Variants in SEMA6D observed in about 807,000 individuals in gnomAD.
SEMA6D encodes semaphorin-6D.
In SEMA6D, 35 loss-of-function variants were observed where a neutral mutation model predicts 106.6. That is an observed-to-expected ratio of 0.33 (90% CI 0.25 to 0.44). The LOEUF (loss-of-function observed/expected upper bound fraction) is 0.44. Ranked by LOEUF, SEMA6D falls within the 20% of genes least tolerant of loss-of-function variation. The pLI, the probability that SEMA6D is intolerant of heterozygous loss-of-function variation, is 1.00. For missense variants in SEMA6D, 1,185 were observed against 1,345.9 expected (o/e 0.88, Z 1.87); for synonymous variants, 499 against 487.7 (o/e 1.02, Z -0.31).
At chr15:47,651,630 A>C (rs975114971) in intron 4 of SEMA6D, among the ~76,000 whole-genome samples, 4 of 152,170 alleles carry the variant, frequency 2.6e-5, no homozygotes, top group Non-Finnish European at 4.4e-5. Flanking sequence ...CCTGTTTTCA[A>C]TCCTGGTTTA....
intron 1 of SEMA6D, among the ~76,000 whole-genome samples, chr15:47,389,018 A>G (rs1306756563): frequency 1.3e-5 from 2 of 149,988 alleles, no homozygotes; most frequent in Admixed American, 1.3e-4. Flanking sequence ...AAAGTAAGTA[A>G]TGTTTTTTTT....
intron 1 of SEMA6D, among the ~76,000 whole-genome samples, chr15:47,411,257 G>C (rs975041523): frequency 6.6e-6 from 1 of 151,842 alleles, no homozygotes; most frequent in Non-Finnish European, 1.5e-5. Flanking sequence ...CACCACGCCC[G>C]GCTAATTTTT....
intron 1 of SEMA6D, among the ~76,000 whole-genome samples, chr15:47,235,450 G>A (rs1426052757): frequency 6.6e-6 from 1 of 151,820 alleles, no homozygotes; most frequent in East Asian, 1.9e-4. Flanking sequence ...ATTCTAAAAT[G>A]TTTATGCTTT....
intron 1 of SEMA6D, among the ~76,000 whole-genome samples, chr15:47,333,621 A>G (rs1442378701): frequency 2.6e-5 from 4 of 152,196 alleles, no homozygotes; most frequent in African/African-American, 7.2e-5. Flanking sequence ...TCACTCAGTC[A>G]GTCAGCAAAG....
intron 1 of SEMA6D, among the ~76,000 whole-genome samples, chr15:47,198,122 G>A (rs554162579): frequency 6.6e-6 from 1 of 152,008 alleles, no homozygotes; most frequent in South Asian, 2.1e-4. Context: ...TCACTCACAC[G>A]TGGAATGTAA....
intron 2 of SEMA6D, among the ~76,000 whole-genome samples, chr15:47,416,847 T>C (rs910690673): frequency 6.6e-6 from 1 of 152,138 alleles, no homozygotes; most frequent in Non-Finnish European, 1.5e-5. Context: ...CCCCTATTAC[T>C]TTGCAGCTGA....
chr15:47,251,572 A>G (rs1026117584), intron 1 of SEMA6D, among the ~76,000 whole-genome samples: 15 of 152,168 alleles, frequency 9.9e-5, no homozygotes, highest in African/African-American at 3.6e-4. Flanking sequence ...TAGTAGAATT[A>G]TTGCTTATTT....
chr15:47,599,002 A>G (rs1030259020), intron 3 of SEMA6D, among the ~76,000 whole-genome samples: 35 of 152,090 alleles, frequency 2.3e-4, no homozygotes, highest in African/African-American at 8.2e-4. Context: ...GTTTCCCAAA[A>G]TGTGGTCATG....
chr15:47,313,721 TAC>T (rs2036533423), intron 1 of SEMA6D, among the ~76,000 whole-genome samples: 1 of 152,232 alleles, frequency 6.6e-6, no homozygotes, highest in South Asian at 2.1e-4. Context: ...AACACCACCA[TAC>T]TCAGCTAAAA....
chr15:47,206,828 C>T (rs574082651), intron 1 of SEMA6D, among the ~76,000 whole-genome samples: 8 of 152,116 alleles, frequency 5.3e-5, no homozygotes, highest in East Asian at 3.9e-4. Context: ...ATCCACAGGC[C>T]GAAATCCTGG....
rs561690452 is a variant in SEMA6D, at chr15:47,232,791, A to C, written c.-239+48373A>C. Among the ~76,000 whole-genome samples the C allele has an allele frequency of 7.2e-5, 11 of 151,922 alleles. No homozygotes were observed. The South Asian group carries it at 2.3e-3, about 32-fold the overall frequency. ...TTTAAATAAGGTTTTTAGTGTGATT[A>C]TTGTTGAGCTGTAAGGGCTATTTAT... On this transcript the variant is annotated intron_variant, in intron 1 of 19. Coordinates refer to the SEMA6D transcript ENST00000558014.
At chr15:47,327,143 C>G (rs1287524877) in intron 1 of SEMA6D, among the ~76,000 whole-genome samples, 1 of 152,158 alleles carries the variant, frequency 6.6e-6, no homozygotes, top group Admixed American at 6.5e-5. Context: ...GGGCCAGCAT[C>G]CTGGCTTCTC....
chr15:47,269,161 A>G (rs2034451376), intron 1 of SEMA6D, among the ~76,000 whole-genome samples: 1 of 152,116 alleles, frequency 6.6e-6, no homozygotes, highest in Non-Finnish European at 1.5e-5. Flanking sequence ...AGTTTACTCA[A>G]GAAATGTAGG....
chr15:47,765,779 C>A, intron 13 of SEMA6D, 90 bp from the exon 14 acceptor site: 1 of 1,246,410 alleles, frequency 8.0e-7, no homozygotes, highest in Non-Finnish European at 1.1e-6. Context: ...CAAGAATATT[C>A]CTTATGATTT....
At position 47,770,719 on chromosome 15, in the gene SEMA6D, G is replaced by A. The variant is rs1597104861; in HGVS notation, c.2156G>A (p.Gly719Asp). 6.2e-7 allele frequency: 1 copy of A among 1,614,060 alleles called. No individual in the cohort carries two copies. The highest frequency in any genetic ancestry group is 8.5e-7 in the Non-Finnish European group (1 of 1,179,984). Residue 719 changes from glycine to aspartate, a missense_variant, in exon 19 of 19, where the codon GGT becomes GAT. This residue lies in a region of SEMA6D where 750 missense variants were observed against 783.5 expected (regional missense o/e 0.96). Transcript: ENST00000536845. ...AGTGGAAGTTTTGCCAAACTGAATG[G>A]TCTCTTTGACAGCCCTGTCAAGGAA... ...DSSGSFAKLN[G>D]LFDSPVKEYQ...
intron 4 of SEMA6D, among the ~76,000 whole-genome samples, chr15:47,687,194 T>C (rs1204289307): frequency 6.6e-6 from 1 of 152,152 alleles, no homozygotes; most frequent in African/African-American, 2.4e-5. Context: ...TCCTGGACTT[T>C]CTTCTTGCCA....
chr15:47,318,638 G>A (rs929677114), intron 1 of SEMA6D, among the ~76,000 whole-genome samples: 1 of 137,506 alleles, frequency 7.3e-6, no homozygotes, highest in African/African-American at 2.7e-5. Flanking sequence ...TGGTGTATAT[G>A]TGCCACATTT....
In SEMA6D at chr15:47,200,663, A is replaced by G. The variant is rs114271425; in HGVS notation, c.-239+16245A>G. On this transcript the variant is annotated intron_variant, in intron 1 of 19. Transcript: ENST00000558014. ...AAAAGTTTCTATCTGGTATTAGCAT[A>G]AAAGTACACATACAATTCCACTATT... is the stretch of plus-strand genomic sequence containing the variant. 4.5e-3 allele frequency among the ~76,000 whole-genome samples: 683 copies of G among 152,320 alleles called. 3 individuals carry two copies. The highest frequency in any genetic ancestry group is 0.016 in the African/African-American group (662 of 41,574).
chr15:47,477,297 T>C (rs1250500611), intron 3 of SEMA6D, among the ~76,000 whole-genome samples: 1 of 152,166 alleles, frequency 6.6e-6, no homozygotes. Flanking sequence ...GAACACCTGG[T>C]GCTCATACAC....
Sources: gnomAD v4.1 joint callset for allele counts (sites outside exome capture counted in the v4.1 genomes callset) on GRCh38, gnomAD v4.1.1 for gene constraint, gnomAD v4.1.1 regional missense constraint, MANE v1.5 for transcripts, NCBI Gene and HGNC (gene_info 2026-07-23, HGNC 2026-07-21) for gene names.